Variants in PRKCA observed in about 807,000 individuals in gnomAD.
The protein encoded by PRKCA is protein kinase C alpha type.
Under a neutral mutation model 87.0 loss-of-function variants are expected in PRKCA, and 27 were observed. The observed-to-expected ratio is 0.31, with a 90% confidence interval of 0.23 to 0.43. The LOEUF (loss-of-function observed/expected upper bound fraction) is 0.43, where lower values mean the gene tolerates loss of function less well. Among genes scored for constraint, PRKCA ranks in the 20% least tolerant of loss-of-function variants. The probability of loss-of-function intolerance (pLI) is 1.00; values close to 1 mark genes in which losing one functional copy is unlikely to be tolerated. For missense variants in PRKCA, 518 were observed against 852.3 expected, an observed-to-expected ratio of 0.61 and a Z score of 4.88; for synonymous variants, 329 against 311.1, an observed-to-expected ratio of 1.06 and a Z score of -0.61.
At chr17:66,372,122 C>T (rs1054938155) in intron 2 of PRKCA, among the ~76,000 whole-genome samples, 1 of 152,086 alleles carries the variant, frequency 6.6e-6, no homozygotes, top group African/African-American at 2.4e-5. Flanking sequence ...CTCGTGGGGA[C>T]TTCATTTAAA....
At chr17:66,443,175 A>G (rs1415438631) in intron 2 of PRKCA, among the ~76,000 whole-genome samples, 1 of 152,186 alleles carries the variant, frequency 6.6e-6, no homozygotes, top group Non-Finnish European at 1.5e-5. Flanking sequence ...GTCTGGAATC[A>G]AGACCTTCTG....
Position 66,321,893 on chromosome 17 carries a change from G to A in PRKCA, c.205+15766G>A, listed in dbSNP as rs9906232. On this transcript the variant is annotated intron_variant, in intron 2 of 16. Coordinates refer to ENST00000413366, the MANE Select transcript of PRKCA (RefSeq NM_002737.3). ...TGAAGGGCTGAGGGGACTTGTATTT[G>A]TTCCATGAACTCAGACTCATGCTAT... 3.9e-3 allele frequency among the ~76,000 whole-genome samples: 588 copies of A among 152,238 alleles called. 6 individuals carry two copies. The highest frequency in any genetic ancestry group is 0.013 in the African/African-American group (558 of 41,544).
chr17:66,698,405 A>T (rs1972981057), intron 8 of PRKCA, among the ~76,000 whole-genome samples: 2 of 152,226 alleles, frequency 1.3e-5, no homozygotes, highest in Admixed American at 1.3e-4. Context: ...AATCATTTTT[A>T]AAAAGAACCA....
chr17:66,603,076 T>G (rs1022852338), intron 3 of PRKCA, among the ~76,000 whole-genome samples: 5 of 152,194 alleles, frequency 3.3e-5, no homozygotes, highest in African/African-American at 1.2e-4. Flanking sequence ...GGCTTTTAGC[T>G]GAACTAAAGA....
chr17:66,576,115 A>C (rs986577163), intron 3 of PRKCA, among the ~76,000 whole-genome samples: 2 of 152,226 alleles, frequency 1.3e-5, no homozygotes, highest in African/African-American at 4.8e-5. Context: ...CTCCATCTCA[A>C]ACAAAAACTT....
chr17:66,432,255 T>A (rs1179308408), intron 2 of PRKCA, among the ~76,000 whole-genome samples: 1 of 152,094 alleles, frequency 6.6e-6, no homozygotes, highest in East Asian at 1.9e-4. Flanking sequence ...GCAGGGTCCT[T>A]GGATGAGTGC....
At chr17:66,348,311 G>T (rs1222265917) in intron 2 of PRKCA, among the ~76,000 whole-genome samples, 1 of 152,076 alleles carries the variant, frequency 6.6e-6, no homozygotes, top group Non-Finnish European at 1.5e-5. Context: ...ACAACAAAAA[G>T]CCCCTGGGAT....
intron 2 of PRKCA, among the ~76,000 whole-genome samples, chr17:66,424,858 T>G (rs1407467928): frequency 1.3e-5 from 2 of 151,008 alleles, no homozygotes; most frequent in Non-Finnish European, 2.9e-5. Context: ...CAAGCGATTC[T>G]CCCGCCTCAG....
chr17:66,526,144 A>T (rs928461326), intron 3 of PRKCA, among the ~76,000 whole-genome samples: 1 of 152,236 alleles, frequency 6.6e-6, no homozygotes, highest in African/African-American at 2.4e-5. Flanking sequence ...ACTATGAGGA[A>T]ATCTTGAGAA....
chr17:66,720,285 G>A (rs1432135625), intron 8 of PRKCA, among the ~76,000 whole-genome samples: 34 of 152,230 alleles, frequency 2.2e-4, no homozygotes, highest in African/African-American at 9.6e-5. Flanking sequence ...AGGCGGCAGC[G>A]TGCTTGGCGT....
Position 66,624,091 on chromosome 17 carries a change from C to T in PRKCA, c.289-17264C>T, listed in dbSNP as rs115167002. Among the ~76,000 whole-genome samples, 648 of 151,990 alleles carry T rather than the reference C, an allele frequency of 4.3e-3. 4 individuals carry two copies. The highest frequency in any genetic ancestry group is 0.015 in the African/African-American group (614 of 41,456). ...ACAATTACATTGGGTCAAATGGTAGCCGGACTAAGTAGGCACTGGGGAGTG... is the reference window on the plus strand; with the variant it reads ...ACAATTACATTGGGTCAAATGGTAGTCGGACTAAGTAGGCACTGGGGAGTG... On this transcript the variant is annotated intron_variant, in intron 3 of 16. Transcript: ENST00000413366.
intron 2 of PRKCA, among the ~76,000 whole-genome samples, chr17:66,376,903 T>C (rs1397895376): frequency 1.3e-5 from 2 of 152,130 alleles, no homozygotes; most frequent in African/African-American, 4.8e-5. Flanking sequence ...TCTGCTGGTT[T>C]CAAGTGGTGG....
At chr17:66,616,577 C>G (rs1005544125) in intron 3 of PRKCA, among the ~76,000 whole-genome samples, 2 of 152,222 alleles carry the variant, frequency 1.3e-5, no homozygotes, top group African/African-American at 4.8e-5. Flanking sequence ...CCATCCATCT[C>G]TAAGAGCCAT....
chr17:66,395,976 C>G (rs911759937), intron 2 of PRKCA, among the ~76,000 whole-genome samples: 2 of 151,874 alleles, frequency 1.3e-5, no homozygotes, highest in African/African-American at 2.4e-5. Flanking sequence ...GATGTTTAAC[C>G]TGGAAAGTCT....
At chr17:66,723,189 C>T (rs1251529704) in intron 8 of PRKCA, among the ~76,000 whole-genome samples, 1 of 152,176 alleles carries the variant, frequency 6.6e-6, no homozygotes, top group Non-Finnish European at 1.5e-5. Flanking sequence ...GTGAGTTAGC[C>T]CACAGAACTC....
chr17:66,800,587 T>C (rs1975878432), intron 16 of PRKCA, among the ~76,000 whole-genome samples: 1 of 152,210 alleles, frequency 6.6e-6, no homozygotes, highest in Non-Finnish European at 1.5e-5. Flanking sequence ...GAAATCTCCT[T>C]TTAGTTTGCT....
intron 10 of PRKCA, among the ~76,000 whole-genome samples, chr17:66,736,278 T>C (rs572202071): frequency 6.9e-6 from 1 of 145,716 alleles, no homozygotes; most frequent in South Asian, 2.2e-4. Flanking sequence ...AAACTCACAG[T>C]CTTGGCTTTT....
intron 2 of PRKCA, among the ~76,000 whole-genome samples, chr17:66,366,415 T>C (rs1047814671): frequency 6.6e-6 from 1 of 152,208 alleles, no homozygotes; most frequent in African/African-American, 2.4e-5. Context: ...GACTAACTTA[T>C]TAAAAGTAAA....
At chr17:66,370,819 T>C (rs1447611191) in intron 2 of PRKCA, among the ~76,000 whole-genome samples, 2 of 152,106 alleles carry the variant, frequency 1.3e-5, no homozygotes, top group African/African-American at 2.4e-5. Context: ...TTTTTCTGTT[T>C]TTCAGAGAAG....
Sources: allele counts gnomAD v4.1 joint callset (sites outside exome capture counted in the v4.1 genomes callset), GRCh38; gene constraint gnomAD v4.1.1; transcripts MANE v1.5; gene names NCBI Gene and HGNC (gene_info 2026-07-23, HGNC 2026-07-21).